Variants in DYNLRB1 observed in about 807,000 individuals in gnomAD.
DYNLRB1 encodes dynein light chain roadblock-type 1.
In DYNLRB1, 6 loss-of-function variants were observed where a neutral mutation model predicts 13.5. The observed-to-expected ratio is 0.44, with a 90% CI of 0.24 to 0.88. The LOEUF (loss-of-function observed/expected upper bound fraction) is 0.88, where lower values mean the gene tolerates loss of function less well. DYNLRB1 is among the 40% of genes least tolerant of loss of function. The pLI is 0.21. For missense variants in DYNLRB1, 93 were observed against 127.2 expected (o/e 0.73, Z 1.29); for synonymous variants, 43 against 45.0 (o/e 0.96, Z 0.18).
intron 2 of DYNLRB1, chr20:34,530,099 G>T: frequency 8.1e-7 from 1 of 1,237,278 alleles, no homozygotes; most frequent in African/African-American, 1.5e-5. Context: ...CAACCCCAGG[G>T]GCCAACAGCC....
rs527814907 is a variant in DYNLRB1 at position 34,536,593 on chromosome 20, A to G, written c.247+1798A>G. 1,728 of 539,878 alleles carry G rather than the reference A, an allele frequency of 3.2e-3. 4 individuals carry two copies. The highest frequency in any genetic ancestry group is 3.8e-3 in the Non-Finnish European group (1,612 of 422,672). The allele number at this position is 539,878 out of a possible 1,614,324, so 33.4% of individuals were successfully genotyped here. A position where few individuals can be genotyped will look rare whatever the true frequency, so the allele number is the denominator to read the frequency against. ...AACCCCGTCTCTACTAAAAATAAAA[A>G]AATTAGCTGGGCATGGTGGCGCACA... On this transcript the variant is annotated intron_variant, in intron 3 of 3. Transcript: ENST00000357156.
intron 1 of DYNLRB1, among the ~76,000 whole-genome samples, chr20:34,522,544 C>G (rs1979839727): frequency 7.7e-6 from 1 of 129,220 alleles, no homozygotes; most frequent in African/African-American, 3.0e-5. Flanking sequence ...GCGATCATGG[C>G]TCACTGCAGC....
intron 3 of DYNLRB1, among the ~76,000 whole-genome samples, chr20:34,539,308 C>T (rs549248805): frequency 1.3e-5 from 2 of 152,270 alleles, no homozygotes; most frequent in Non-Finnish European, 2.9e-5. Flanking sequence ...AGCTGGAATC[C>T]AGGCTGCTTT....
At chr20:34,530,065 C>T in intron 2 of DYNLRB1, 1 of 1,241,888 alleles carries the variant, frequency 8.1e-7, no homozygotes. Flanking sequence ...TCTTCTGGGA[C>T]TGGACATTTT....
intron 3 of DYNLRB1, 189 bp downstream of exon 3, chr20:34,534,984 A>G: frequency 6.9e-7 from 1 of 1,443,284 alleles, no homozygotes. Flanking sequence ...CCTCCCAGGG[A>G]CCGGCCCCAG....
chr20:34,533,368 A>T (rs1980862215), intron 2 of DYNLRB1, among the ~76,000 whole-genome samples: 1 of 152,188 alleles, frequency 6.6e-6, no homozygotes, highest in African/African-American at 2.4e-5. Flanking sequence ...AACATGTTCC[A>T]TGTTTCTGTG....
intron 2 of DYNLRB1, among the ~76,000 whole-genome samples, chr20:34,527,587 G>T (rs945930339): frequency 6.6e-6 from 1 of 152,114 alleles, no homozygotes; most frequent in African/African-American, 2.4e-5. Flanking sequence ...GAAATCACCC[G>T]GGGGTCCTGT....
chr20:34,526,247 C>T (rs929056365), intron 1 of DYNLRB1, 21 bp from the exon 2 acceptor site: 3 of 1,613,912 alleles, frequency 1.9e-6, no homozygotes, highest in Middle Eastern at 1.7e-4. Context: ...CTCTCCTAAC[C>T]TTGGTCTTGT....
intron 1 of DYNLRB1, among the ~76,000 whole-genome samples, chr20:34,518,930 TC>T (rs554371959): frequency 9.9e-5 from 15 of 152,110 alleles, no homozygotes; most frequent in Non-Finnish European, 1.9e-4. Flanking sequence ...TCTTGCCCTT[TC>T]GCCCAGGCTG....
intron 1 of DYNLRB1, among the ~76,000 whole-genome samples, chr20:34,521,683 G>A (rs1383372881): frequency 6.6e-6 from 1 of 152,080 alleles, no homozygotes; most frequent in Non-Finnish European, 1.5e-5. Flanking sequence ...GAGAATTGGG[G>A]AACCTTGTCT....
rs62212341 is a variant in DYNLRB1, at chr20:34,528,218, G to A, written c.79+1875G>A. The stretch of plus-strand genomic sequence containing the variant: ...TCCCAGCTACTTGGGAGGCTGAGGC[G>A]GGAGAATGGCGTGAACCCGGGAGGC... On this transcript the variant is annotated intron_variant, in intron 2 of 3. Coordinates refer to ENST00000357156, the MANE Select transcript of DYNLRB1 (RefSeq NM_014183.4). Among the ~76,000 whole-genome samples, 24 of 86,602 alleles carry A rather than the reference G, an allele frequency of 2.8e-4. 7 individuals carry two copies. Among genetic ancestry groups the A allele is most frequent in the African/African-American group, 9.3e-4 (20 of 21,464 alleles). The allele number at this position is 86,602 out of a possible 152,430, so 56.8% of individuals were successfully genotyped here.
intron 2 of DYNLRB1, chr20:34,529,767 A>C (rs1428624165): frequency 8.3e-7 from 1 of 1,202,368 alleles, no homozygotes; most frequent in Non-Finnish European, 1.1e-6. Context: ...AAGTCAGCAG[A>C]GCCCTGGCAA....
intron 2 of DYNLRB1, 25 bp downstream of exon 2, chr20:34,526,368 C>T: frequency 6.2e-7 from 1 of 1,613,026 alleles, no homozygotes; most frequent in Non-Finnish European, 8.5e-7. Flanking sequence ...CCGCCATGAC[C>T]CGCACCCAGG....
rs370990198 is a variant in DYNLRB1, at chr20:34,534,709, G to A, written c.161G>A (p.Arg54Gln). The A allele has an allele frequency of 3.7e-6, 6 of 1,612,174 alleles. No homozygotes were observed. Among genetic ancestry groups the A allele is most frequent in the Non-Finnish European group, 5.1e-6 (6 of 1,178,908 alleles). ...ATGCACAGCTTCATCCTGAAGGCACGGAGCACCGTGCGTGACATCGACCCC... is the reference window on the plus strand; with the variant it reads ...ATGCACAGCTTCATCCTGAAGGCACAGAGCACCGTGCGTGACATCGACCCC... ...SLMHSFILKA[R>Q]STVRDIDPQN... Residue 54 changes from arginine to glutamine, a missense_variant, in exon 3 of 4, where the codon CGG becomes CAG. Physicochemically the swap from Arg to Gln is conservative, Grantham distance 43. Transcript: ENST00000357156.
At chr20:34,527,171 C>T (rs575977482) in intron 2 of DYNLRB1, among the ~76,000 whole-genome samples, 3 of 152,294 alleles carry the variant, frequency 2.0e-5, no homozygotes, top group African/African-American at 7.2e-5. Context: ...GATTTAAATC[C>T]AAGCCCGTCT....
In DYNLRB1 at chr20:34,534,710, G is replaced by A; in HGVS notation, c.162G>A (p.Arg54=). 1 of 1,612,556 alleles carries A rather than the reference G, an allele frequency of 6.2e-7. No homozygotes were observed. The highest frequency in any genetic ancestry group is 8.5e-7 in the Non-Finnish European group (1 of 1,179,030). Residue 54 remains arginine (R), a synonymous_variant, in exon 3 of 4, where the codon CGG becomes CGA. Coordinates refer to ENST00000357156, the MANE Select transcript of DYNLRB1 (RefSeq NM_014183.4). ...SLMHSFILKA[R]STVRDIDPQN... is the part of the protein sequence containing the mutation. Reference sequence around the variant, plus strand: ...TGCACAGCTTCATCCTGAAGGCACGGAGCACCGTGCGTGACATCGACCCCC... The same window carrying A: ...TGCACAGCTTCATCCTGAAGGCACGAAGCACCGTGCGTGACATCGACCCCC...
intron 3 of DYNLRB1, chr20:34,535,717 C>G: frequency 3.0e-6 from 3 of 985,290 alleles, no homozygotes; most frequent in Non-Finnish European, 3.6e-6. Flanking sequence ...TCTAGGGCAT[C>G]AGGATGTGAG....
intron 3 of DYNLRB1, among the ~76,000 whole-genome samples, chr20:34,539,128 A>G (rs1193820135): frequency 6.6e-6 from 1 of 152,220 alleles, no homozygotes; most frequent in African/African-American, 2.4e-5. Flanking sequence ...AATAGGCACA[A>G]TCGGTAACAT....
chr20:34,524,026 T>C (rs2146623267), intron 1 of DYNLRB1, among the ~76,000 whole-genome samples: 1 of 152,360 alleles, frequency 6.6e-6, no homozygotes, highest in African/African-American at 2.4e-5. Context: ...CAAGTTATTC[T>C]TACATCTTAT....
Sources: allele counts gnomAD v4.1 joint callset (sites outside exome capture counted in the v4.1 genomes callset), GRCh38; gene constraint gnomAD v4.1.1; transcripts MANE v1.5; gene names NCBI Gene and HGNC (gene_info 2026-07-23, HGNC 2026-07-21).